The following SPATA17 variants were observed in gnomAD, a reference collection of about 807,000 sequenced individuals.
SPATA17 encodes spermatogenesis associated 17.
In SPATA17, 53 loss-of-function variants were observed where a neutral mutation model predicts 62.2. The observed-to-expected ratio is 0.85, with a 90% CI of 0.68 to 1.07. The LOEUF (loss-of-function observed/expected upper bound fraction) is 1.07, where lower values mean the gene tolerates loss of function less well. Among genes scored for constraint, SPATA17 ranks in the 50% least tolerant of loss-of-function variants. The probability of loss-of-function intolerance (pLI) is 0.00; values close to 1 mark genes in which losing one functional copy is unlikely to be tolerated. For missense variants in SPATA17, 466 were observed against 425.5 expected, an observed-to-expected ratio of 1.10 and a Z score of -0.84; for synonymous variants, 146 against 146.8, an observed-to-expected ratio of 0.99 and a Z score of 0.04.
chr1:217,748,795 G>A (rs1290718603), intron 6 of SPATA17, among the ~76,000 whole-genome samples: 1 of 150,232 alleles, frequency 6.7e-6, no homozygotes, highest in African/African-American at 2.5e-5. Flanking sequence ...TATTACTTTC[G>A]ACTCTATCTT....
chr1:217,866,475 C>T (rs1441246259), intron 10 of SPATA17: 1 of 151,834 alleles, frequency 6.6e-6, no homozygotes, highest in Non-Finnish European at 1.5e-5. Flanking sequence ...TTGTTTTTTT[C>T]AGAGAGACAG....
chr1:217,711,650 C>T (rs1558575706), intron 5 of SPATA17, among the ~76,000 whole-genome samples: 1 of 152,112 alleles, frequency 6.6e-6, no homozygotes, highest in Admixed American at 6.5e-5. Context: ...TGACGCTCAA[C>T]AAATAGTGGC....
At chr1:217,857,927 G>T (rs1675818390) in intron 9 of SPATA17, among the ~76,000 whole-genome samples, 1 of 152,120 alleles carries the variant, frequency 6.6e-6, no homozygotes, top group Non-Finnish European at 1.5e-5. Flanking sequence ...GGTTACCATT[G>T]GTTGGAAGCT....
At chr1:217,639,376 T>A (rs888830178) in intron 1 of SPATA17, among the ~76,000 whole-genome samples, 5 of 152,060 alleles carry the variant, frequency 3.3e-5, no homozygotes, top group African/African-American at 4.8e-5. Context: ...TTTTCAGACA[T>A]GTAAAGACTC....
Position 217,648,123 on chromosome 1 carries a change from C to T in SPATA17, c.69-759C>T, listed in dbSNP as rs1670231402. Among the ~76,000 whole-genome samples the T allele has an allele frequency of 2.0e-5, 3 of 152,270 alleles. No homozygotes were observed. In the South Asian group the frequency reaches 6.2e-4, roughly 32 times the overall value. On this transcript the variant is annotated intron_variant, in intron 1 of 10. Coordinates refer to ENST00000366933, the MANE Select transcript of SPATA17 (RefSeq NM_138796.4). The stretch of plus-strand genomic sequence containing the variant: ...CCTAATTGTCTAGAGTGGTCTTACA[C>T]TCTTAATTATTTCCAGCAGATTTTA...
At chr1:217,773,640 A>G (rs930637079) in intron 6 of SPATA17, among the ~76,000 whole-genome samples, 1 of 152,184 alleles carries the variant, frequency 6.6e-6, no homozygotes, top group Non-Finnish European at 1.5e-5. Flanking sequence ...TATTTTATGC[A>G]GTACATGACA....
At chr1:217,677,522 C>T (rs992517686) in intron 4 of SPATA17, among the ~76,000 whole-genome samples, 5 of 151,740 alleles carry the variant, frequency 3.3e-5, no homozygotes, top group Non-Finnish European at 7.4e-5. Context: ...ATATGCTAGA[C>T]ATTATGTTAT....
chr1:217,721,369 G>T (rs1672123340), intron 5 of SPATA17, among the ~76,000 whole-genome samples: 1 of 152,110 alleles, frequency 6.6e-6, no homozygotes, highest in Admixed American at 6.6e-5. Flanking sequence ...GGTAACAGTG[G>T]CTGGTGTCTG....
intron 8 of SPATA17, among the ~76,000 whole-genome samples, chr1:217,793,466 C>T (rs569544469): frequency 2.4e-4 from 37 of 152,088 alleles, no homozygotes; most frequent in African/African-American, 7.9e-4. Flanking sequence ...GTGATCCGCC[C>T]GCCTCGGCCT....
intron 5 of SPATA17, among the ~76,000 whole-genome samples, chr1:217,717,530 G>A (rs1277089835): frequency 6.6e-6 from 1 of 152,118 alleles, no homozygotes; most frequent in African/African-American, 2.4e-5. Flanking sequence ...AGAATTGCTT[G>A]AACCCAGGAG....
intron 3 of SPATA17, among the ~76,000 whole-genome samples, chr1:217,657,358 C>A (rs543702354): frequency 6.6e-6 from 1 of 152,186 alleles, no homozygotes; most frequent in Admixed American, 6.5e-5. Flanking sequence ...TTCTTTTACA[C>A]CTCACACTGC....
intron 9 of SPATA17, among the ~76,000 whole-genome samples, chr1:217,835,897 C>T (rs191629627): frequency 7.3e-4 from 111 of 152,228 alleles, no homozygotes; most frequent in Non-Finnish European, 1.1e-3. Context: ...ACCCATGGCT[C>T]CACCTGGACC....
intron 9 of SPATA17, among the ~76,000 whole-genome samples, chr1:217,805,274 G>C (rs1207768117): frequency 6.6e-6 from 1 of 152,132 alleles, no homozygotes; most frequent in Non-Finnish European, 1.5e-5. Flanking sequence ...TGAAATGTTA[G>C]GCACAGAAAT....
chr1:217,742,136 T>G (rs751966567), intron 6 of SPATA17, 38 bp downstream of exon 6: 15 of 1,611,086 alleles, frequency 9.3e-6, no homozygotes, highest in Non-Finnish European at 1.3e-5. Flanking sequence ...TGTAAGCCAC[T>G]TGGGCCCCTA....
Position 217,790,571 on chromosome 1 carries a change from G to T in SPATA17, c.872+8249G>T, listed in dbSNP as rs949102394. Among the ~76,000 whole-genome samples the T allele has an allele frequency of 2.6e-5, 4 of 152,192 alleles. No homozygotes were observed. The East Asian group carries it at 7.8e-4, about 30-fold the overall frequency. On this transcript the variant is annotated intron_variant, in intron 8 of 10. Coordinates refer to ENST00000366933, the MANE Select transcript of SPATA17 (RefSeq NM_138796.4). ...TTCTCCTGCCTCAGCCTCCTGAGTA[G>T]CTGGGACTACAGGCGTCCGCCACCG... is the stretch of plus-strand genomic sequence containing the variant.
At chr1:217,804,979 T>C (rs1438804200) in intron 9 of SPATA17, among the ~76,000 whole-genome samples, 1 of 152,146 alleles carries the variant, frequency 6.6e-6, no homozygotes, top group Non-Finnish European at 1.5e-5. Context: ...ATGGAGGTTC[T>C]TCAAAAAATT....
chr1:217,767,620 G>T (rs1558042178), intron 6 of SPATA17, among the ~76,000 whole-genome samples: 1 of 152,090 alleles, frequency 6.6e-6, no homozygotes, highest in Non-Finnish European at 1.5e-5. Context: ...CAAGTTCAGA[G>T]ATTCTTCCTT....
intron 8 of SPATA17, among the ~76,000 whole-genome samples, chr1:217,785,556 A>G (rs1171780229): frequency 6.6e-6 from 1 of 152,120 alleles, no homozygotes; most frequent in Non-Finnish European, 1.5e-5. Context: ...GCATGATCCA[A>G]TCACCTCCCA....
chr1:217,651,219 A>C (rs752134616), intron 3 of SPATA17, 41 bp downstream of exon 3: 55 of 1,430,494 alleles, frequency 3.8e-5, no homozygotes, highest in Non-Finnish European at 4.6e-5. Context: ...TGAATTGTAC[A>C]ATATGCTGTA....
Sources: allele counts gnomAD v4.1 joint callset (sites outside exome capture counted in the v4.1 genomes callset), GRCh38; gene constraint gnomAD v4.1.1; transcripts MANE v1.5; gene names NCBI Gene and HGNC (gene_info 2026-07-23, HGNC 2026-07-21).